The following KRIT1 variants were observed in gnomAD, a reference collection of about 807,000 sequenced individuals.
The protein encoded by KRIT1 is KRIT1 ankyrin repeat containing.
Under a neutral mutation model 95.8 loss-of-function variants are expected in KRIT1, and 45 were observed. That is an observed-to-expected ratio of 0.47 (90% CI 0.37 to 0.60). The LOEUF is 0.60. Ranked by LOEUF, KRIT1 falls within the 20% of genes least tolerant of loss-of-function variation. The pLI is 0.00. For synonymous variants in KRIT1, 282 were observed against 278.8 expected, an observed-to-expected ratio of 1.01 and a Z score of -0.11; for missense variants, 788 against 877.5, an observed-to-expected ratio of 0.90 and a Z score of 1.29.
chr7:92,230,168 T>C lies in KRIT1; in HGVS notation c.990-3486A>G, dbSNP rs187308195. Among the ~76,000 whole-genome samples the C allele has an allele frequency of 1.8e-3, 276 of 152,282 alleles. 2 individuals are homozygous for C. Among genetic ancestry groups the C allele is most frequent in the African/African-American group, 6.2e-3 (258 of 41,558 alleles). Reference sequence around the variant, plus strand: ...ATTATTTAATATAATCATAGAAATTTATAAAGTAGGCAGAGGTACTTTTTT... The same window carrying C: ...ATTATTTAATATAATCATAGAAATTCATAAAGTAGGCAGAGGTACTTTTTT... On this transcript the variant is annotated intron_variant, in intron 10 of 18. Transcript: ENST00000394505.
At chr7:92,206,469 A>G (rs1174786162) in intron 17 of KRIT1, 1 of 152,264 alleles carries the variant, frequency 6.6e-6, no homozygotes, top group Admixed American at 6.5e-5. Flanking sequence ...AGACACCGCT[A>G]ATGCTCATTA....
At chr7:92,223,042 C>G (rs149756508) in intron 12 of KRIT1, 64 bp from the exon 13 acceptor site, 1 of 1,034,674 alleles carries the variant, frequency 9.7e-7, no homozygotes, top group Non-Finnish European at 1.5e-6. Context: ...TAACAAGATA[C>G]TTTCCTTCAA....
chr7:92,224,333 A>T (rs982328844), intron 12 of KRIT1, among the ~76,000 whole-genome samples: 6 of 152,142 alleles, frequency 3.9e-5, no homozygotes, highest in African/African-American at 1.4e-4. Context: ...GAGCGGTGGC[A>T]CGTCTGTAGT....
chr7:92,203,823 T>C (rs186624415), intron 17 of KRIT1, among the ~76,000 whole-genome samples: 6 of 152,290 alleles, frequency 3.9e-5, no homozygotes, highest in African/African-American at 1.4e-4. Flanking sequence ...AAAAATTTCT[T>C]GAAATGGTGG....
intron 17 of KRIT1, among the ~76,000 whole-genome samples, chr7:92,210,020 C>T (rs1313369189): frequency 6.6e-6 from 1 of 152,124 alleles, no homozygotes; most frequent in Non-Finnish European, 1.5e-5. Context: ...TTGCAGTGAG[C>T]CGAGATCACG....
intron 5 of KRIT1, among the ~76,000 whole-genome samples, chr7:92,239,372 C>T (rs1037434168): frequency 6.6e-6 from 1 of 152,160 alleles, no homozygotes; most frequent in Admixed American, 6.5e-5. Flanking sequence ...GATTTGTCAG[C>T]TCAAATATGT....
At chr7:92,229,703 T>C (rs562389229) in intron 10 of KRIT1, among the ~76,000 whole-genome samples, 3 of 152,394 alleles carry the variant, frequency 2.0e-5, no homozygotes, top group African/African-American at 4.8e-5. Flanking sequence ...CACTATGTTT[T>C]AGCATTCTAT....
In KRIT1 at chr7:92,241,940, T is replaced by C. The variant is rs1799747491; in HGVS notation, c.102+94A>G. On this transcript the variant is annotated intron_variant, in intron 4 of 18. Coordinates refer to ENST00000394505, the MANE Select transcript of KRIT1 (RefSeq NM_194454.3). ...AGACCTAAAATAATTGGCTTGTTAA[T>C]ACAACTTTACAAGATATAATAAGGC... 3.9e-6 allele frequency: 3 copies of C among 768,366 alleles called. No individual in the cohort carries two copies. The Admixed American group carries it at 6.4e-5, about 16-fold the overall frequency. The allele number at this position is 768,366 out of a possible 1,614,324, so 47.6% of individuals were successfully genotyped here.
chr7:92,216,054 C>T (rs1001426956), intron 14 of KRIT1, among the ~76,000 whole-genome samples: 1 of 151,556 alleles, frequency 6.6e-6, no homozygotes, highest in Non-Finnish European at 1.5e-5. Context: ...ACGGTGAAAC[C>T]CCGTCTCTAC....
chr7:92,222,412 T>G lies in KRIT1; in HGVS notation c.1412-359A>C, dbSNP rs919590565. Among the ~76,000 whole-genome samples, 18 of 152,258 alleles carry G rather than the reference T, an allele frequency of 1.2e-4. 1 individual carries two copies. Among genetic ancestry groups the G allele is most frequent in the African/African-American group, 3.8e-4 (16 of 41,562 alleles). On this transcript the variant is annotated intron_variant, in intron 13 of 18. Transcript: ENST00000394505. ...AAATTCTTTATGTATGTGTAATACT[T>G]TGAAGAACAAATATATAGTCATTAG...
chr7:92,228,874 A>G (rs982568386), intron 10 of KRIT1, among the ~76,000 whole-genome samples: 4 of 152,164 alleles, frequency 2.6e-5, no homozygotes, highest in Non-Finnish European at 4.4e-5. Flanking sequence ...TGCTAAAAAT[A>G]ATGGTCTCCA....
chr7:92,214,878 T>C (rs912372470), intron 14 of KRIT1, 101 bp from the exon 15 acceptor site: 3 of 816,026 alleles, frequency 3.7e-6, no homozygotes, highest in Admixed American at 2.2e-5. Context: ...TGTATATAAA[T>C]GAGCTGTTAC....
rs1488786224 is a variant in KRIT1 at position 92,200,820 on chromosome 7, T to C, written c.2143-16A>G. 1.3e-6 allele frequency: 2 copies of C among 1,543,418 alleles called. No individual in the cohort carries two copies. Among genetic ancestry groups the C allele is most frequent in the Non-Finnish European group, 1.8e-6 (2 of 1,116,556 alleles). On this transcript the variant is annotated splice_polypyrimidine_tract_variant and intron_variant, in intron 18 of 18. Transcript: ENST00000394505. ...CGAGACCAGCCTACAAAGTAAAACA[T>C]GTCAATAATAAATATAAAACATGTA...
intron 10 of KRIT1, among the ~76,000 whole-genome samples, chr7:92,230,996 G>A (rs1429119677): frequency 6.6e-6 from 1 of 152,138 alleles, no homozygotes; most frequent in African/African-American, 2.4e-5. Context: ...AGTGAAATTG[G>A]ATGAAATAAT....
chr7:92,231,474 A>C (rs116044819), intron 10 of KRIT1, among the ~76,000 whole-genome samples: 1,909 of 152,288 alleles, frequency 0.013, 33 homozygotes, highest in African/African-American at 0.044. Context: ...CCTGAGACCC[A>C]AAAGTTTGAG....
chr7:92,244,170 G>A (rs1341002953), intron 2 of KRIT1, 21 bp from the exon 3 acceptor site: 1 of 152,148 alleles, frequency 6.6e-6, no homozygotes, highest in East Asian at 1.9e-4. Flanking sequence ...CAAAAAGAAA[G>A]ACATTGTATT....
intron 17 of KRIT1, among the ~76,000 whole-genome samples, chr7:92,207,225 C>CA (rs1418076704): frequency 6.6e-6 from 1 of 152,062 alleles, no homozygotes; most frequent in East Asian, 1.9e-4. Flanking sequence ...TGTCAAAACT[C>CA]AAAGACAACA....
chr7:92,231,711 C>T (rs1443145330), intron 10 of KRIT1, among the ~76,000 whole-genome samples: 8 of 152,072 alleles, frequency 5.3e-5, no homozygotes, highest in Admixed American at 3.3e-4. Context: ...TTTGAATTCA[C>T]GTCAATTAAA....
chr7:92,218,407 G>T (rs1335235034), intron 14 of KRIT1, among the ~76,000 whole-genome samples: 2 of 148,218 alleles, frequency 1.3e-5, no homozygotes, highest in Non-Finnish European at 3.0e-5. Context: ...TTTTGAGATA[G>T]TCTTGCTCTA....
Sources: allele counts gnomAD v4.1 joint callset (sites outside exome capture counted in the v4.1 genomes callset), GRCh38; gene constraint gnomAD v4.1.1; transcripts MANE v1.5; gene names NCBI Gene and HGNC (gene_info 2026-07-23, HGNC 2026-07-21).